The following NEDD9 variants were observed in gnomAD, a reference collection of about 807,000 sequenced individuals.
NEDD9 encodes enhancer of filamentation 1.
A neutral mutation model predicts 76.6 loss-of-function variants in NEDD9; 26 were observed. That is an observed-to-expected ratio of 0.34 (90% CI 0.25 to 0.47). The LOEUF is 0.47. NEDD9 is among the 20% of genes least tolerant of loss of function. The pLI is 1.00. For missense variants in NEDD9, 937 were observed against 1,058.5 expected (o/e 0.89, Z 1.59); for synonymous variants, 392 against 414.2 (o/e 0.95, Z 0.65).
At chr6:11,366,357 G>GAAGA (rs1184295424) in intron 1 of NEDD9, among the ~76,000 whole-genome samples, 5 of 140,416 alleles carry the variant, frequency 3.6e-5, no homozygotes, top group Admixed American at 7.3e-5. Flanking sequence ...AGAAAGAAAT[G>GAAGA]AAGAAAGAAA....
chr6:11,270,297 G>A (rs1200409194), intron 3 of NEDD9, among the ~76,000 whole-genome samples: 1 of 151,666 alleles, frequency 6.6e-6, no homozygotes, highest in Non-Finnish European at 1.5e-5. Flanking sequence ...GTGATTAACT[G>A]TAATTAAAGG....
intron 3 of NEDD9, among the ~76,000 whole-genome samples, chr6:11,273,871 C>T (rs1337179604): frequency 1.3e-5 from 2 of 151,806 alleles, no homozygotes; most frequent in Non-Finnish European, 2.9e-5. Context: ...GTACTCTGAC[C>T]TCTTTTTATA....
At chr6:11,246,690 A>T (rs116159679) in intron 3 of NEDD9, among the ~76,000 whole-genome samples, 2,482 of 152,244 alleles carry the variant, frequency 0.016, 69 homozygotes, top group African/African-American at 0.056. Context: ...CCCACAGAAA[A>T]CAAGATGGCA....
chr6:11,378,327 T>C (rs571807535), intron 1 of NEDD9, among the ~76,000 whole-genome samples: 238 of 152,286 alleles, frequency 1.6e-3, no homozygotes, highest in African/African-American at 5.4e-3. Flanking sequence ...TGGCTCCCCC[T>C]TCATCTTTCA....
chr6:11,355,910 A>G (rs991121296), intron 1 of NEDD9, among the ~76,000 whole-genome samples: 3 of 151,584 alleles, frequency 2.0e-5, no homozygotes, highest in African/African-American at 7.3e-5. Flanking sequence ...TTTAGTAGAG[A>G]CGGGGTTTCA....
intron 1 of NEDD9, among the ~76,000 whole-genome samples, chr6:11,366,989 T>C (rs1358218139): frequency 6.6e-6 from 1 of 152,212 alleles, no homozygotes; most frequent in Admixed American, 6.5e-5. Context: ...AGCACCAAGA[T>C]TGAAGAGATA....
chr6:11,217,754 A>C (rs544539941), intron 1 of NEDD9, among the ~76,000 whole-genome samples: 29 of 152,342 alleles, frequency 1.9e-4, no homozygotes, highest in African/African-American at 6.7e-4. Flanking sequence ...GAATTTAGTC[A>C]AGTGAAATAC....
At chr6:11,210,766 G>GGAGGGAGAGA (rs1554125282) in intron 2 of NEDD9, among the ~76,000 whole-genome samples, 1 of 121,854 alleles carries the variant, frequency 8.2e-6, no homozygotes, top group African/African-American at 3.3e-5. Flanking sequence ...AGGGATGGGG[G>GGAGGGAGAGA]GAGAGAGAGA....
In NEDD9 at chr6:11,185,446, T is replaced by G. The variant is rs769283197; in HGVS notation, c.2221A>C (p.Ile741Leu). 1 of 1,614,224 alleles carries G rather than the reference T, an allele frequency of 6.2e-7. No homozygotes were observed. Among genetic ancestry groups the G allele is most frequent in the East Asian group, 2.2e-5 (1 of 44,894 alleles). The change falls in exon 7 of 7, where the codon ATC (isoleucine) becomes CTC (leucine). Residue 741 changes from isoleucine to leucine, a missense_variant. Coordinates refer to ENST00000379446, the MANE Select transcript of NEDD9 (RefSeq NM_006403.4). ...SCVSSAQPPR[I>L]FVAHSKFVIL... is the part of the protein sequence containing the mutation. ...ACAAACTTGCTGTGTGCCACGAAGA[T>G]TCGCGGGGGCTGGGCTGAGCTGACA...
intron 1 of NEDD9, among the ~76,000 whole-genome samples, chr6:11,349,738 G>A (rs561481470): frequency 3.3e-5 from 5 of 152,318 alleles, no homozygotes; most frequent in African/African-American, 1.2e-4. Flanking sequence ...ATGGATAGAT[G>A]TGGGGAAACA....
intron 2 of NEDD9, among the ~76,000 whole-genome samples, chr6:11,208,056 T>C (rs1174551753): frequency 6.6e-6 from 1 of 151,924 alleles, no homozygotes; most frequent in African/African-American, 2.4e-5. Context: ...CGCATGCCTA[T>C]AGTCCCAGCT....
intron 3 of NEDD9, among the ~76,000 whole-genome samples, chr6:11,299,891 A>AAAGAT (rs1406531693): frequency 6.6e-6 from 1 of 152,234 alleles, no homozygotes; most frequent in Non-Finnish European, 1.5e-5. Context: ...ATAAAACCAC[A>AAAGAT]AAGATGGGGA....
At chr6:11,322,608 TCTC>T (rs1285972289) in intron 2 of NEDD9, among the ~76,000 whole-genome samples, 1 of 152,140 alleles carries the variant, frequency 6.6e-6, no homozygotes, top group African/African-American at 2.4e-5. Context: ...TCTCAACCCT[TCTC>T]CTCTCTTTTC....
chr6:11,202,609 T>G (rs1435639195), intron 2 of NEDD9, among the ~76,000 whole-genome samples: 1 of 152,232 alleles, frequency 6.6e-6, no homozygotes, highest in Non-Finnish European at 1.5e-5. Context: ...CTGGATTTAT[T>G]AATTCTCTGT....
intron 3 of NEDD9, among the ~76,000 whole-genome samples, chr6:11,240,664 A>G (rs1394943244): frequency 1.3e-5 from 2 of 152,226 alleles, no homozygotes; most frequent in African/African-American, 2.4e-5. Context: ...TCTTCAAAGA[A>G]TTGAAAAACG....
chr6:11,203,167 C>G (rs1443053234), intron 2 of NEDD9, among the ~76,000 whole-genome samples: 1 of 152,196 alleles, frequency 6.6e-6, no homozygotes, highest in South Asian at 2.1e-4. Context: ...CTGGGTTTCA[C>G]GAGTGGTTGA....
At chr6:11,351,330 A>C (rs1762464523) in intron 1 of NEDD9, among the ~76,000 whole-genome samples, 1 of 152,172 alleles carries the variant, frequency 6.6e-6, no homozygotes, top group Non-Finnish European at 1.5e-5. Flanking sequence ...GGGAGCTGAG[A>C]CTGGAACAGT....
intron 2 of NEDD9, among the ~76,000 whole-genome samples, chr6:11,325,663 A>C (rs74969279): frequency 6.6e-6 from 1 of 152,210 alleles, no homozygotes; most frequent in East Asian, 1.9e-4. Context: ...ACTGCAGAAG[A>C]AAAAAAGCGG....
chr6:11,260,757 G>A (rs1460419852), intron 3 of NEDD9, among the ~76,000 whole-genome samples: 1 of 152,206 alleles, frequency 6.6e-6, no homozygotes, highest in Non-Finnish European at 1.5e-5. Context: ...TAAAAAGTGT[G>A]TTAGTCACAG....
Sources: gnomAD v4.1 joint callset for allele counts (sites outside exome capture counted in the v4.1 genomes callset) on GRCh38, gnomAD v4.1.1 for gene constraint, MANE v1.5 for transcripts, NCBI Gene and HGNC (gene_info 2026-07-23, HGNC 2026-07-21) for gene names.